UACA: variants seen among roughly 807,000 people sequenced by gnomAD.
The protein encoded by UACA is uveal autoantigen with coiled-coil domains and ankyrin repeats.
A neutral mutation model predicts 160.5 loss-of-function variants in UACA; 112 were observed. The observed-to-expected ratio is 0.70, with a 90% confidence interval of 0.60 to 0.82. The LOEUF (loss-of-function observed/expected upper bound fraction) is 0.82. Ranked by LOEUF, UACA falls within the 40% of genes least tolerant of loss-of-function variation. The pLI is 0.00. For missense variants in UACA, 1,574 were observed against 1,614.6 expected (o/e 0.97, Z 0.43); for synonymous variants, 557 against 568.4 (o/e 0.98, Z 0.29).
At chr15:70,660,404 G>T (rs889537653) in intron 17 of UACA, 188 bp from the exon 18 acceptor site, 4 of 523,034 alleles carry the variant, frequency 7.6e-6, no homozygotes, top group Non-Finnish European at 1.4e-5. Context: ...CTTCTGTAAA[G>T]AATGTGTGGC....
intron 1 of UACA, chr15:70,758,722 G>A (rs1260823218): frequency 2.6e-5 from 4 of 151,880 alleles, no homozygotes; most frequent in South Asian, 4.2e-4. Flanking sequence ...GTATTTTTTC[G>A]CAGTGCTGAG....
chr15:70,770,717 G>T, the UACA span, among the ~76,000 whole-genome samples: 1 of 152,152 alleles, frequency 6.6e-6, no homozygotes, highest in South Asian at 2.1e-4. Context: ...TGTAGTCCAT[G>T]AATTTACTTG....
chr15:70,655,203 T>C lies in UACA; in HGVS notation c.*1853A>G, dbSNP rs1002888196. The C allele has an allele frequency of 6.6e-6, 1 of 152,188 alleles. No homozygotes were observed. The highest frequency in any genetic ancestry group is 1.5e-5 in the Non-Finnish European group (1 of 68,026). 9.4% of individuals were successfully genotyped at this position (152,188 alleles called of 1,614,324 possible). A position where few individuals can be genotyped will look rare whatever the true frequency, so the allele number is the denominator to read the frequency against. Reference sequence around the variant, plus strand: ...TGGAAAATAAAACACTTAATATGAATACTCAGTTTTAAACTTTGCTCTAAG... The same window carrying C: ...TGGAAAATAAAACACTTAATATGAACACTCAGTTTTAAACTTTGCTCTAAG... On this transcript the variant is annotated 3_prime_UTR_variant, in exon 19 of 19. Coordinates refer to ENST00000322954, the MANE Select transcript of UACA (RefSeq NM_018003.4).
chr15:70,699,389 G>C (rs1898246964), intron 2 of UACA, 138 bp downstream of exon 2: 1 of 920,714 alleles, frequency 1.1e-6, no homozygotes, highest in Middle Eastern at 2.2e-4. Flanking sequence ...TTATTAGTTT[G>C]TTTGAAAGAT....
At chr15:70,767,023 G>A (rs1246843964), upstream of UACA, among the ~76,000 whole-genome samples, 3 of 150,584 alleles carry the variant, frequency 2.0e-5, no homozygotes, top group Non-Finnish European at 4.4e-5. Flanking sequence ...GGTGGATCAC[G>A]GGGTCAGGAG....
At chr15:70,670,386 G>C (rs1240677016) in intron 15 of UACA, among the ~76,000 whole-genome samples, 1 of 152,142 alleles carries the variant, frequency 6.6e-6, no homozygotes, top group Non-Finnish European at 1.5e-5. Context: ...CCAAAACCAA[G>C]CCAGTGCATA....
At chr15:70,708,286 G>C (rs1222822530) in intron 1 of UACA, among the ~76,000 whole-genome samples, 2 of 152,242 alleles carry the variant, frequency 1.3e-5, no homozygotes, top group East Asian at 3.9e-4. Flanking sequence ...GAGGTGGGGA[G>C]CTATTGTTTA....
At chr15:70,692,275 G>A (rs1160175831) in intron 3 of UACA, among the ~76,000 whole-genome samples, 1 of 152,060 alleles carries the variant, frequency 6.6e-6, no homozygotes, top group East Asian at 1.9e-4. Flanking sequence ...GATCCTCACA[G>A]CTCAGCTTCC....
intron 9 of UACA, 134 bp downstream of exon 9, chr15:70,682,624 C>T (rs1001729958): frequency 6.8e-6 from 3 of 440,700 alleles, no homozygotes; most frequent in Non-Finnish European, 1.2e-5. Flanking sequence ...AGAATCTACA[C>T]GGGCTTGATT....
intron 1 of UACA, among the ~76,000 whole-genome samples, chr15:70,746,954 A>G (rs993134291): frequency 6.6e-6 from 1 of 152,022 alleles, no homozygotes; most frequent in African/African-American, 2.4e-5. Flanking sequence ...GGGCACAGGG[A>G]GGGGAACATC....
At chr15:70,706,496 T>C (rs1898525272) in intron 1 of UACA, among the ~76,000 whole-genome samples, 1 of 145,128 alleles carries the variant, frequency 6.9e-6, no homozygotes, top group African/African-American at 2.6e-5. Context: ...ATCTCTGTTC[T>C]CAAATGCAAT....
chr15:70,729,707 C>T (rs1261820427), intron 1 of UACA, among the ~76,000 whole-genome samples: 2 of 142,786 alleles, frequency 1.4e-5, no homozygotes, highest in Non-Finnish European at 3.0e-5. Flanking sequence ...CAGCTCCCAG[C>T]GTGAGCGACG....
intron 1 of UACA, among the ~76,000 whole-genome samples, chr15:70,747,625 G>A (rs908858066): frequency 2.0e-5 from 3 of 152,094 alleles, no homozygotes; most frequent in Non-Finnish European, 2.9e-5. Context: ...GGGTAGAAAA[G>A]CAAGTGGTAT....
At chr15:70,776,128 C>T in the UACA span, among the ~76,000 whole-genome samples, 1 of 151,970 alleles carries the variant, frequency 6.6e-6, no homozygotes, top group Non-Finnish European at 1.5e-5. Context: ...CTTTTGTCAC[C>T]TCCAACAAAA....
At chr15:70,715,925 T>C (rs183470197) in intron 1 of UACA, among the ~76,000 whole-genome samples, 3 of 152,336 alleles carry the variant, frequency 2.0e-5, no homozygotes, top group Admixed American at 2.0e-4. Flanking sequence ...AACTGTTATT[T>C]CTACTTTCCA....
chr15:70,717,684 T>C (rs1303382903), intron 1 of UACA, among the ~76,000 whole-genome samples: 1 of 152,224 alleles, frequency 6.6e-6, no homozygotes, highest in Non-Finnish European at 1.5e-5. Context: ...CATATTTTAC[T>C]ATCTGCAAAA....
rs1258930295 is a variant in UACA, at chr15:70,684,276, T to C, written c.773A>G (p.Asn258Ser). Residue 258 changes from asparagine to serine, a missense_variant, in exon 8 of 19, where the codon AAT becomes AGT. Coordinates refer to ENST00000322954, the MANE Select transcript of UACA (RefSeq NM_018003.4). The stretch of plus-strand genomic sequence containing the variant: ...AAAACTGCTGATACCTTTGTTGGTA[T>C]TTTCCGATGCAGTCTTCAACAAGGT... Reference protein sequence around the residue: ...ILTLLKTASENTNKGRELWKK... With the variant: ...ILTLLKTASESTNKGRELWKK... The C allele has an allele frequency of 6.2e-7, 1 of 1,603,710 alleles. No individual in the cohort carries two copies. Among genetic ancestry groups the C allele is most frequent in the Non-Finnish European group, 8.5e-7 (1 of 1,176,950 alleles).
intron 1 of UACA, among the ~76,000 whole-genome samples, chr15:70,705,365 C>T (rs770989103): frequency 4.6e-5 from 7 of 151,780 alleles, no homozygotes; most frequent in Admixed American, 2.0e-4. Flanking sequence ...AGAGAAACCC[C>T]GTCTCTATTA....
At chr15:70,709,449 A>C (rs1218381560) in intron 1 of UACA, among the ~76,000 whole-genome samples, 1 of 152,210 alleles carries the variant, frequency 6.6e-6, no homozygotes, top group Non-Finnish European at 1.5e-5. Context: ...TTTGACATTG[A>C]CTCTCATATT....
Sources: allele counts gnomAD v4.1 joint callset (sites outside exome capture counted in the v4.1 genomes callset), GRCh38; gene constraint gnomAD v4.1.1; transcripts MANE v1.5; gene names NCBI Gene and HGNC (gene_info 2026-07-23, HGNC 2026-07-21).